Variants in FRYL observed in about 807,000 individuals in gnomAD.
The protein encoded by FRYL is protein furry homolog-like.
FRYL carries 150 observed loss-of-function variants against 351.2 expected under a neutral mutation model. That is an observed-to-expected ratio of 0.43 (90% CI 0.37 to 0.49). FRYL has a LOEUF of 0.49. Ranked by LOEUF, FRYL falls within the 20% of genes least tolerant of loss-of-function variation. FRYL has a pLI of 0.00. For missense variants in FRYL, 3,036 were observed against 3,619.3 expected (o/e 0.84, Z 4.13); for synonymous variants, 1,153 against 1,257.1 (o/e 0.92, Z 1.75).
rs1269515521 is a variant in FRYL, at chr4:48,498,661, T to TATTA, written c.*757_*760dup. The TATTA allele has an allele frequency of 1.3e-5, 2 of 152,646 alleles. No individual in the cohort carries two copies. Among genetic ancestry groups the TATTA allele is most frequent in the Non-Finnish European group, 2.9e-5 (2 of 68,044 alleles). The allele number at this position is 152,646 out of a possible 1,614,324, so 9.5% of individuals were successfully genotyped here. On this transcript the variant is annotated 3_prime_UTR_variant, in exon 64 of 64. Coordinates refer to ENST00000358350, the MANE Select transcript of FRYL (RefSeq NM_015030.2). Reference sequence around the variant, plus strand: ...CTGGGAAAGCCCAGTTTTAAAATATTATTAAAATGTTCTAACATTTACATA... The same window carrying TATTA: ...CTGGGAAAGCCCAGTTTTAAAATATTATTAATTAAAATGTTCTAACATTTACATA...
chr4:48,695,118 C>G (rs1461044953), intron 2 of FRYL, among the ~76,000 whole-genome samples: 1 of 152,130 alleles, frequency 6.6e-6, no homozygotes, highest in African/African-American at 2.4e-5. Flanking sequence ...GCTTACTGAG[C>G]AAAGGAGAAA....
chr4:48,748,338 T>C (rs1772890253), intron 1 of FRYL, among the ~76,000 whole-genome samples: 1 of 152,194 alleles, frequency 6.6e-6, no homozygotes, highest in Non-Finnish European at 1.5e-5. Context: ...ACTCCGAAGT[T>C]ATAGCTATAG....
intron 59 of FRYL, 145 bp downstream of exon 59, chr4:48,509,914 G>A: frequency 1.7e-6 from 1 of 583,712 alleles, no homozygotes; most frequent in Non-Finnish European, 3.0e-6. Flanking sequence ...GCTGGATAGA[G>A]AGCTCAAAGA....
intron 2 of FRYL, among the ~76,000 whole-genome samples, chr4:48,695,487 A>T (rs1157393320): frequency 6.7e-6 from 1 of 150,330 alleles, no homozygotes; most frequent in Non-Finnish European, 1.5e-5. Context: ...ATTTACTGTA[A>T]ATATATATAT....
chr4:48,553,063 A>G lies in FRYL; in HGVS notation c.4435+152T>C. The G allele has an allele frequency of 7.2e-6, 4 of 556,096 alleles. No homozygotes were observed. The South Asian group carries it at 1.3e-4, about 19-fold the overall frequency. 34.4% of individuals were successfully genotyped at this position (556,096 alleles called of 1,614,324 possible). A position where few individuals can be genotyped will look rare whatever the true frequency, so the allele number is the denominator to read the frequency against. On this transcript the variant is annotated intron_variant, in intron 36 of 63. Transcript: ENST00000358350. The stretch of plus-strand genomic sequence containing the variant: ...TAAGCTTCTCTTTCAATACTGAGGA[A>G]GATTTGTTTTTTTCTTTTAATAAAT...
At chr4:48,506,623 T>TATATATATATATATATAA (rs1721047296) in intron 59 of FRYL, 5 of 20,178 alleles carry the variant, frequency 2.5e-4, no homozygotes, top group Admixed American at 5.3e-4. Flanking sequence ...CTAATATATA[T>TATATATATATATATATAA]ATATATATAT....
At chr4:48,715,080 T>G (rs1244244299) in intron 1 of FRYL, among the ~76,000 whole-genome samples, 2 of 152,194 alleles carry the variant, frequency 1.3e-5, no homozygotes, top group African/African-American at 2.4e-5. Context: ...TAACCCTTCA[T>G]GCTAAAAACT....
chr4:48,612,652 C>A lies in FRYL; in HGVS notation c.412-2829G>T, dbSNP rs1279918429. ...AGAGTGCAGTGGCACGATCTCTGCT[C>A]ACTGCAAGCTCCACCTCTTGGGTTC... is the stretch of plus-strand genomic sequence containing the variant. On this transcript the variant is annotated intron_variant, in intron 7 of 63. Coordinates refer to ENST00000358350, the MANE Select transcript of FRYL (RefSeq NM_015030.2). Among the ~76,000 whole-genome samples the A allele has an allele frequency of 3.9e-5, 6 of 152,202 alleles. No individual in the cohort carries two copies. In the South Asian group the frequency reaches 1.2e-3, roughly 31 times the overall value.
intron 48 of FRYL, 71 bp downstream of exon 48, chr4:48,535,586 T>TGCACAC: frequency 2.2e-6 from 1 of 456,872 alleles, no homozygotes; most frequent in Non-Finnish European, 3.7e-6. Context: ...TATATACACA[T>TGCACAC]ACACACACAC....
intron 42 of FRYL, 42 bp downstream of exon 42, chr4:48,546,023 CTT>C: frequency 6.5e-7 from 1 of 1,540,194 alleles, no homozygotes; most frequent in Non-Finnish European, 8.9e-7. Context: ...GAAAGAATGA[CTT>C]AACACATACA....
At position 48,619,326 on chromosome 4, in the gene FRYL, T is replaced by A; in HGVS notation, c.359A>T (p.Asp120Val). The A allele has an allele frequency of 6.3e-7, 1 of 1,599,884 alleles. No homozygotes were observed. The highest frequency in any genetic ancestry group is 8.5e-7 in the Non-Finnish European group (1 of 1,175,868). ...ACAAAAAATGAAGTCTACTGCTAAG[T>A]CCCTCCTTTCAAGAAGATAATCTCT... ...RERDYLLERR[D>V]LAVDFIFCLV... Residue 120 changes from aspartate (D) to valine (V), a missense_variant, in exon 7 of 64, where the codon GAC becomes GTC. Physicochemically the swap from Asp to Val is radical, Grantham distance 152. Transcript: ENST00000358350.
At chr4:48,531,095 GAATA>G (rs1451144133) in intron 50 of FRYL, 57 bp downstream of exon 50, 2 of 1,081,098 alleles carry the variant, frequency 1.8e-6, no homozygotes, top group East Asian at 2.4e-5. Flanking sequence ...ATCAAAGAAT[GAATA>G]AATAAACAAA....
chr4:48,557,302 T>C, intron 34 of FRYL, 151 bp downstream of exon 34: 1 of 1,211,526 alleles, frequency 8.3e-7, no homozygotes, highest in Middle Eastern at 2.5e-4. Flanking sequence ...TATATGGTTT[T>C]AGTAAAAAAA....
chr4:48,639,675 A>C (rs1184399303), intron 3 of FRYL, among the ~76,000 whole-genome samples: 1 of 152,050 alleles, frequency 6.6e-6, no homozygotes, highest in Non-Finnish European at 1.5e-5. Context: ...AAAATTATTA[A>C]AATGAAGCCT....
intron 2 of FRYL, among the ~76,000 whole-genome samples, chr4:48,702,084 A>G (rs1261783361): frequency 6.6e-6 from 1 of 152,218 alleles, no homozygotes; most frequent in Non-Finnish European, 1.5e-5. Flanking sequence ...AGAAATTTGA[A>G]TGACTGATCC....
rs1731981340 is a variant in FRYL, at chr4:48,548,678, A to G, written c.4888+12T>C. The stretch of plus-strand genomic sequence containing the variant: ...ATATAACATGAAAGAATTAGAACCA[A>G]ATATTTATTACCTATAAAAATTGCA... On this transcript the variant is annotated intron_variant, in intron 40 of 63. Coordinates refer to ENST00000358350, the MANE Select transcript of FRYL (RefSeq NM_015030.2). 1 of 1,386,044 alleles carries G rather than the reference A, an allele frequency of 7.2e-7. No homozygotes were observed. The highest frequency in any genetic ancestry group is 1.4e-5 in the African/African-American group (1 of 70,154). The allele number at this position is 1,386,044 out of a possible 1,614,324, so 85.9% of individuals were successfully genotyped here. A position where few individuals can be genotyped will look rare whatever the true frequency, so the allele number is the denominator to read the frequency against.
At chr4:48,702,591 G>A (rs544706959) in intron 2 of FRYL, among the ~76,000 whole-genome samples, 32 of 147,710 alleles carry the variant, frequency 2.2e-4, no homozygotes, top group Middle Eastern at 3.6e-3. Flanking sequence ...GTGAAACCCC[G>A]TCTCTACTAA....
rs1742898339 is a variant in FRYL, at chr4:48,589,934, C to T, written c.1508-57G>A. 4.9e-6 allele frequency: 7 copies of T among 1,431,222 alleles called. No individual in the cohort carries two copies. In the South Asian group the frequency reaches 7.3e-5, roughly 15 times the overall value. The allele number at this position is 1,431,222 out of a possible 1,614,324, so 88.7% of individuals were successfully genotyped here. The stretch of plus-strand genomic sequence containing the variant: ...TCTGAAATTAGATAAAGAATACTTA[C>T]TTTCTGTAATAAAAGCCTATTAATC... On this transcript the variant is annotated intron_variant, in intron 17 of 63. Transcript: ENST00000358350.
At chr4:48,681,104 C>T (rs775147687) in intron 3 of FRYL, 2 of 1,252,606 alleles carry the variant, frequency 1.6e-6, no homozygotes, top group South Asian at 1.3e-5. Flanking sequence ...ATGGGAGGAA[C>T]AACTCTCTTT....
Sources: allele counts gnomAD v4.1 joint callset (sites outside exome capture counted in the v4.1 genomes callset), GRCh38; gene constraint gnomAD v4.1.1; transcripts MANE v1.5; gene names NCBI Gene and HGNC (gene_info 2026-07-23, HGNC 2026-07-21).